Variants in KCTD7 observed in about 807,000 individuals in gnomAD.
KCTD7 encodes the protein BTB/POZ domain-containing protein KCTD7.
Under a neutral mutation model 27.0 loss-of-function variants are expected in KCTD7, and 15 were observed. The observed-to-expected ratio is 0.56, with a 90% CI of 0.37 to 0.86. The LOEUF (loss-of-function observed/expected upper bound fraction) is 0.86. KCTD7 is among the 40% of genes least tolerant of loss of function. KCTD7 has a pLI of 0.00. For missense variants in KCTD7, 299 were observed against 398.9 expected, an observed-to-expected ratio of 0.75 and a Z score of 2.13; for synonymous variants, 159 against 162.7, an observed-to-expected ratio of 0.98 and a Z score of 0.17.
intron 2 of KCTD7, among the ~76,000 whole-genome samples, chr7:66,634,299 C>T (rs1308227442): frequency 6.6e-6 from 1 of 151,654 alleles, no homozygotes; most frequent in East Asian, 1.9e-4. Flanking sequence ...GCAGTCCTCC[C>T]ACCTTGGCCT....
At chr7:66,634,342 G>C (rs984372581) in intron 2 of KCTD7, among the ~76,000 whole-genome samples, 1 of 151,598 alleles carries the variant, frequency 6.6e-6, no homozygotes, top group African/African-American at 2.4e-5. Context: ...ATTTATTTAA[G>C]TTTTAGGTGT....
chr7:66,634,103 T>G (rs570105647), intron 2 of KCTD7, among the ~76,000 whole-genome samples: 1 of 123,756 alleles, frequency 8.1e-6, no homozygotes, highest in South Asian at 2.6e-4. Context: ...TATATATGGG[T>G]GTGTGTATAC....
At chr7:66,634,170 C>G (rs1233894783) in intron 2 of KCTD7, among the ~76,000 whole-genome samples, 4 of 135,998 alleles carry the variant, frequency 2.9e-5, no homozygotes, top group Non-Finnish European at 6.1e-5. Flanking sequence ...ACTGAGGCTT[C>G]CACTGGTCTT....
Position 66,641,529 on chromosome 7 carries a change from T to TA in KCTD7, c.*2298dup. ...CAGGTCCTGAAGGCTTGCTTAGGAT[T>TA]ACAGGGATGCTGGGTAAGAACACCG... On this transcript the variant is annotated 3_prime_UTR_variant, in exon 4 of 4. Coordinates refer to ENST00000639828, the MANE Select transcript of KCTD7 (RefSeq NM_153033.5). 4.1e-6 allele frequency: 4 copies of TA among 985,392 alleles called. No individual in the cohort carries two copies. The highest frequency in any genetic ancestry group is 4.8e-6 in the Non-Finnish European group (4 of 829,928). 61.0% of individuals were successfully genotyped at this position (985,392 alleles called of 1,614,324 possible). A position where few individuals can be genotyped will look rare whatever the true frequency, so the allele number is the denominator to read the frequency against.
At chr7:66,638,152 A>G in intron 2 of KCTD7, 101 bp from the exon 3 acceptor site, 9 of 1,227,064 alleles carry the variant, frequency 7.3e-6, no homozygotes, top group Non-Finnish European at 1.1e-5. Flanking sequence ...CCAGTGTAAC[A>G]CAGCTGGCAG....
At chr7:66,637,629 A>G (rs1468730423) in intron 2 of KCTD7, among the ~76,000 whole-genome samples, 1 of 152,232 alleles carries the variant, frequency 6.6e-6, no homozygotes, top group African/African-American at 2.4e-5. Context: ...GCCAGGTATG[A>G]AAGAGAACAT....
In KCTD7 at chr7:66,641,453, C is replaced by T; in HGVS notation, c.*2221C>T. ...AGGGCTTGGTTATTTAGAGTCCATA[C>T]ATGCAAGCCATTGAGAGACTTGTTT... On this transcript the variant is annotated 3_prime_UTR_variant, in exon 4 of 4. Transcript: ENST00000639828. 1.0e-6 allele frequency: 1 copy of T among 985,408 alleles called. No individual in the cohort carries two copies. Among genetic ancestry groups the T allele is most frequent in the Non-Finnish European group, 1.2e-6 (1 of 829,944 alleles). The allele number at this position is 985,408 out of a possible 1,614,324, so 61.0% of individuals were successfully genotyped here. A position where few individuals can be genotyped will look rare whatever the true frequency, so the allele number is the denominator to read the frequency against.
rs193077495 is a variant in KCTD7, at chr7:66,641,019, A to G, written c.*1787A>G. Reference sequence around the variant, plus strand: ...GGACGGCAGTGATCTCCTGTTCCCTATGTGTAAACAAAGATTCCAGGGCGT... The same window carrying G: ...GGACGGCAGTGATCTCCTGTTCCCTGTGTGTAAACAAAGATTCCAGGGCGT... On this transcript the variant is annotated 3_prime_UTR_variant, in exon 4 of 4. Coordinates refer to ENST00000639828, the MANE Select transcript of KCTD7 (RefSeq NM_153033.5). The G allele has an allele frequency of 9.1e-6, 9 of 985,412 alleles. No homozygotes were observed. In the East Asian group the frequency reaches 3.4e-4, roughly 37 times the overall value. 61.0% of individuals were successfully genotyped at this position (985,412 alleles called of 1,614,324 possible).
Position 66,638,394 on chromosome 7 carries a change from G to A in KCTD7, c.456G>A (p.Val152=), listed in dbSNP as rs796052686. ...TGCAGCCACTGAAGGGCGAGAAGGT[G>A]CGCCAAGCGTTTCTGGGACTCATGC... The part of the protein sequence containing the change: ...ENMQPLKGEK[V]RQAFLGLMPY... The change falls in exon 3 of 4, where the codon GTG becomes GTA. Residue 152 remains valine, a synonymous_variant. Transcript: ENST00000639828. The A allele has an allele frequency of 3.1e-6, 5 of 1,614,248 alleles. No homozygotes were observed. The highest frequency in any genetic ancestry group is 1.6e-4 in the Middle Eastern group (1 of 6,062).
Position 66,639,352 on chromosome 7 carries a change from T to G in KCTD7, c.*120T>G. 1 of 1,570,926 alleles carries G rather than the reference T, an allele frequency of 6.4e-7. No homozygotes were observed. The highest frequency in any genetic ancestry group is 8.6e-7 in the Non-Finnish European group (1 of 1,164,496). On this transcript the variant is annotated 3_prime_UTR_variant, in exon 4 of 4. Coordinates refer to ENST00000639828, the MANE Select transcript of KCTD7 (RefSeq NM_153033.5). Reference sequence around the variant, plus strand: ...AGAATCTGCCGAGGTGAGAACAGCATCCTGAGGCACAGCTCCCAGGGGACA... The same window carrying G: ...AGAATCTGCCGAGGTGAGAACAGCAGCCTGAGGCACAGCTCCCAGGGGACA...
chr7:66,639,067 G>A lies in KCTD7; in HGVS notation c.705G>A (p.Trp235Ter). The A allele has an allele frequency of 6.2e-7, 1 of 1,614,112 alleles. No homozygotes were observed. The highest frequency in any genetic ancestry group is 8.5e-7 in the Non-Finnish European group (1 of 1,180,010). Reference sequence around the variant, plus strand: ...AAGTGGATGTGTCTTTTGGGCCCTGGGAGGCTGTGGCTGATGTTTATGACC... The same window carrying A: ...AAGTGGATGTGTCTTTTGGGCCCTGAGAGGCTGTGGCTGATGTTTATGACC... ...HCEVDVSFGP[W>*]EAVADVYDLL... Residue 235 changes from tryptophan to a stop codon, truncating the protein, a stop_gained, in exon 4 of 4, where the codon TGG becomes TGA. Coordinates refer to ENST00000639828, the MANE Select transcript of KCTD7 (RefSeq NM_153033.5). LOFTEE classifies it high-confidence loss of function.
chr7:66,633,559 G>A, intron 2 of KCTD7, 115 bp downstream of exon 2: 1 of 980,970 alleles, frequency 1.0e-6, no homozygotes, highest in Non-Finnish European at 1.6e-6. Context: ...GCATATTGAT[G>A]AAATTTAATA....
downstream of KCTD7, chr7:66,643,126 T>TAA (rs1436805881): frequency 1.0e-6 from 1 of 983,722 alleles, no homozygotes; most frequent in African/African-American, 1.8e-5. Flanking sequence ...AAATATTTTT[T>TAA]ATTTCTGCTT....
Position 66,639,655 on chromosome 7 carries a change from A to C in KCTD7, c.*423A>C. 1.5e-6 allele frequency: 2 copies of C among 1,310,210 alleles called. No individual in the cohort carries two copies. The highest frequency in any genetic ancestry group is 1.9e-6 in the Non-Finnish European group (2 of 1,029,224). The allele number at this position is 1,310,210 out of a possible 1,614,324, so 81.2% of individuals were successfully genotyped here. A position where few individuals can be genotyped will look rare whatever the true frequency, so the allele number is the denominator to read the frequency against. On this transcript the variant is annotated 3_prime_UTR_variant, in exon 4 of 4. Transcript: ENST00000639828. Reference sequence around the variant, plus strand: ...CAAGCGTCCCTCCCTTGTGCTCAGTATATTGGTGTGAACACGGAACATGAT... The same window carrying C: ...CAAGCGTCCCTCCCTTGTGCTCAGTCTATTGGTGTGAACACGGAACATGAT...
intron 3 of KCTD7, 90 bp downstream of exon 3, chr7:66,638,521 G>T: frequency 8.2e-6 from 11 of 1,346,782 alleles, no homozygotes; most frequent in Non-Finnish European, 1.1e-5. Flanking sequence ...AACACCGGGG[G>T]CAGCATTCAT....
At chr7:66,636,448 T>A (rs1169358818) in intron 2 of KCTD7, among the ~76,000 whole-genome samples, 1 of 151,744 alleles carries the variant, frequency 6.6e-6, no homozygotes, top group Admixed American at 6.6e-5. Flanking sequence ...ATTGAGAGGA[T>A]TACATGGGAT....
intron 2 of KCTD7, 93 bp from the exon 3 acceptor site, chr7:66,638,160 C>T: frequency 7.8e-7 from 1 of 1,285,648 alleles, no homozygotes. Flanking sequence ...ACACAGCTGG[C>T]AGTCTGGTTT....
chr7:66,642,529 A>G lies in KCTD7; in HGVS notation c.*3297A>G, dbSNP rs1786744160. 1 of 985,370 alleles carries G rather than the reference A, an allele frequency of 1.0e-6. No homozygotes were observed. Among genetic ancestry groups the G allele is most frequent in the Non-Finnish European group, 1.2e-6 (1 of 829,952 alleles). 61.0% of individuals were successfully genotyped at this position (985,370 alleles called of 1,614,324 possible). A position where few individuals can be genotyped will look rare whatever the true frequency, so the allele number is the denominator to read the frequency against. ...AGCTCTTGAACAGGTTAAAGCAAACAGCAATAACAAAACAAAAACTACTGA... is the reference window on the plus strand; with the variant it reads ...AGCTCTTGAACAGGTTAAAGCAAACGGCAATAACAAAACAAAAACTACTGA... On this transcript the variant is annotated 3_prime_UTR_variant, in exon 4 of 4. Transcript: ENST00000639828.
intron 2 of KCTD7, among the ~76,000 whole-genome samples, chr7:66,635,667 A>G (rs1038357497): frequency 6.7e-6 from 1 of 148,854 alleles, no homozygotes; most frequent in Non-Finnish European, 1.5e-5. Flanking sequence ...TGTGGGAAAG[A>G]TCATTTTTAT....
Sources: allele counts gnomAD v4.1 joint callset (sites outside exome capture counted in the v4.1 genomes callset), GRCh38; gene constraint gnomAD v4.1.1; transcripts MANE v1.5; gene names NCBI Gene and HGNC (gene_info 2026-07-23, HGNC 2026-07-21).